The following HSD17B4 variants were observed in gnomAD, a reference collection of about 807,000 sequenced individuals.
The protein encoded by HSD17B4 is hydroxysteroid 17-beta dehydrogenase 4.
HSD17B4 carries 70 observed loss-of-function variants against 101.0 expected under a neutral mutation model. The observed-to-expected ratio is 0.69, with a 90% CI of 0.57 to 0.85. The LOEUF (loss-of-function observed/expected upper bound fraction) is 0.85, where lower values mean the gene tolerates loss of function less well. HSD17B4 is among the 40% of genes least tolerant of loss of function. The pLI is 0.00. For missense variants in HSD17B4, 984 were observed against 892.4 expected (o/e 1.10, Z -1.31); for synonymous variants, 347 against 297.1 (o/e 1.17, Z -1.73).
intron 17 of HSD17B4, 97 bp from the exon 18 acceptor site, chr5:119,525,119 C>A (rs1753462042): frequency 5.1e-6 from 4 of 781,812 alleles, no homozygotes; most frequent in Admixed American, 3.8e-5. Context: ...CATTATGATA[C>A]AATGCTTATA....
In HSD17B4 at chr5:119,492,194, A is replaced by T; in HGVS notation, c.739+70A>T. 5 of 1,173,474 alleles carry T rather than the reference A, an allele frequency of 4.3e-6. No individual in the cohort carries two copies. The South Asian group carries it at 6.1e-5, about 14-fold the overall frequency. The allele number at this position is 1,173,474 out of a possible 1,614,324, so 72.7% of individuals were successfully genotyped here. ...CTTTAAACCTACATATCCAGTTGAG[A>T]TGGGTAAGATTTTTGTCAAATGCCT... is the stretch of plus-strand genomic sequence containing the variant. On this transcript the variant is annotated intron_variant, in intron 10 of 23. Coordinates refer to ENST00000510025, the MANE Select transcript of HSD17B4 (RefSeq NM_000414.4).
At chr5:119,530,271 C>A (rs1580708074) in intron 21 of HSD17B4, among the ~76,000 whole-genome samples, 1 of 151,976 alleles carries the variant, frequency 6.6e-6, no homozygotes, top group African/African-American at 2.4e-5. Context: ...AAGCAAACAG[C>A]GTTTTGGAGA....
rs145441350 is a variant in HSD17B4 at position 119,499,145 on chromosome 5, C to T, written c.973-172C>T. 2.8e-3 allele frequency among the ~76,000 whole-genome samples: 432 copies of T among 152,260 alleles called. 1 individual carries two copies. Among genetic ancestry groups the T allele is most frequent in the African/African-American group, 0.01 (418 of 41,566 alleles). On this transcript the variant is annotated intron_variant, in intron 12 of 23. Transcript: ENST00000510025. ...ACTGTAAATGAAGTCCTTTTCTACA[C>T]ATTACCTAATTAGTTTCTATTAAAA...
chr5:119,519,676 AT>A (rs1752944828), intron 17 of HSD17B4, among the ~76,000 whole-genome samples: 1 of 152,186 alleles, frequency 6.6e-6, no homozygotes, highest in Admixed American at 6.5e-5. Flanking sequence ...ATCAAGTCAT[AT>A]TTCCTGGAGT....
chr5:119,486,301 A>T (rs1473598623), intron 8 of HSD17B4, among the ~76,000 whole-genome samples: 3 of 152,200 alleles, frequency 2.0e-5, no homozygotes, highest in African/African-American at 7.2e-5. Context: ...ACAAAAAGGG[A>T]TAAATTAAAG....
chr5:119,514,435 T>A (rs940441706), intron 16 of HSD17B4, among the ~76,000 whole-genome samples: 13 of 152,200 alleles, frequency 8.5e-5, no homozygotes, highest in African/African-American at 3.1e-4. Flanking sequence ...TTACTTTGGT[T>A]TAAATCAACC....
chr5:119,526,213 A>T (rs928981794), intron 19 of HSD17B4, among the ~76,000 whole-genome samples, 190 bp downstream of exon 19: 9 of 151,792 alleles, frequency 5.9e-5, no homozygotes, highest in Non-Finnish European at 1.2e-4. Flanking sequence ...CACATGCACC[A>T]GGAAGGATGC....
Position 119,474,008 on chromosome 5 carries a change from C to T in HSD17B4, c.213C>T (p.Ala71=), listed in dbSNP as rs1002700026. The T allele has an allele frequency of 2.6e-6, 4 of 1,538,814 alleles. No homozygotes were observed. Among genetic ancestry groups the T allele is most frequent in the Non-Finnish European group, 2.7e-6 (3 of 1,112,256 alleles). ...GAAGGAGAGGTGGAAAAGCAGTGGCCAACTATGGTATGGTATTTGAGAGAA... is the reference window on the plus strand; with the variant it reads ...GAAGGAGAGGTGGAAAAGCAGTGGCTAACTATGGTATGGTATTTGAGAGAA... The part of the protein sequence containing the change: ...EIRRRGGKAV[A]NYDSVEEGEK... Residue 71 remains alanine (A), a synonymous_variant, in exon 3 of 24, where the codon GCC becomes GCT. Coordinates refer to ENST00000510025, the MANE Select transcript of HSD17B4 (RefSeq NM_000414.4).
rs11308278 is a variant in HSD17B4 at position 119,491,461 on chromosome 5, CTT to C, written c.715-622_715-621del. ...TTTTCTTTACATCAGACTCATCAGA[CTT>C]TTTTTTTTTTTTTTTTAGGATTTTT... On this transcript the variant is annotated intron_variant, in intron 9 of 23. Transcript: ENST00000510025. 4.1e-3 allele frequency among the ~76,000 whole-genome samples: 538 copies of C among 131,466 alleles called. 4 individuals carry two copies. Among genetic ancestry groups the C allele is most frequent in the East Asian group, 9.2e-3 (41 of 4,468 alleles). The allele number at this position is 131,466 out of a possible 152,430, so 86.2% of individuals were successfully genotyped here.
At chr5:119,516,768 G>A (rs1561478533) in intron 17 of HSD17B4, among the ~76,000 whole-genome samples, 2 of 152,218 alleles carry the variant, frequency 1.3e-5, no homozygotes, top group African/African-American at 4.8e-5. Flanking sequence ...TGTCAAGGAA[G>A]GGAAGGAACA....
rs587777443 is a variant in HSD17B4 at position 119,525,259 on chromosome 5, T to C, written c.1547T>C (p.Ile516Thr). The C allele has an allele frequency of 1.9e-6, 3 of 1,611,928 alleles. No homozygotes were observed. Among genetic ancestry groups the C allele is most frequent in the Non-Finnish European group, 2.5e-6 (3 of 1,178,354 alleles). ...RLSGDWNPLH[I>T]DPNFASLAGF... ...AGTGGAGACTGGAATCCCTTACACA[T>C]TGATCCTAACTTTGCTAGTCTAGCA... Residue 516 changes from isoleucine to threonine, a missense_variant, in exon 18 of 24, where the codon ATT becomes ACT. Coordinates refer to ENST00000510025, the MANE Select transcript of HSD17B4 (RefSeq NM_000414.4).
intron 1 of HSD17B4, 130 bp from the exon 2 acceptor site, chr5:119,456,185 G>T (rs1436146436): frequency 1.4e-6 from 1 of 724,912 alleles, no homozygotes; most frequent in Non-Finnish European, 2.6e-6. Context: ...TCAGTGATAG[G>T]ATAGGTTGAG....
intron 13 of HSD17B4, among the ~76,000 whole-genome samples, chr5:119,500,209 A>C (rs187297359): frequency 1.8e-4 from 28 of 152,164 alleles, no homozygotes; most frequent in Admixed American, 9.8e-4. Flanking sequence ...TTAAGAGTCT[A>C]TTATAGTAAT....
intron 11 of HSD17B4, among the ~76,000 whole-genome samples, chr5:119,496,214 C>G (rs1750636318): frequency 6.6e-6 from 1 of 152,140 alleles, no homozygotes; most frequent in Non-Finnish European, 1.5e-5. Context: ...AATTGCATGT[C>G]TATAGACAAG....
At chr5:119,454,171 T>A (rs1754359853) in intron 1 of HSD17B4, among the ~76,000 whole-genome samples, 1 of 152,240 alleles carries the variant, frequency 6.6e-6, no homozygotes, top group Non-Finnish European at 1.5e-5. Context: ...TTCTATTCTG[T>A]TTTATTTATA....
At chr5:119,524,961 C>T (rs969349613) in intron 17 of HSD17B4, among the ~76,000 whole-genome samples, 1 of 152,080 alleles carries the variant, frequency 6.6e-6, no homozygotes, top group Non-Finnish European at 1.5e-5. Context: ...GTAGTAGTAA[C>T]AGTGTTTTAC....
At chr5:119,489,977 C>T (rs1350029877) in intron 9 of HSD17B4, among the ~76,000 whole-genome samples, 1 of 151,838 alleles carries the variant, frequency 6.6e-6, no homozygotes, top group African/African-American at 2.4e-5. Flanking sequence ...TTTGATTACT[C>T]ATTTGAGTTT....
chr5:119,530,223 T>G (rs924106189), intron 21 of HSD17B4: 1 of 453,396 alleles, frequency 2.2e-6, no homozygotes, highest in Non-Finnish European at 4.0e-6. Flanking sequence ...AATTTTCTAG[T>G]TTTAGAATAA....
chr5:119,513,729 T>C (rs1204593366), intron 16 of HSD17B4, among the ~76,000 whole-genome samples: 2 of 152,218 alleles, frequency 1.3e-5, no homozygotes, highest in African/African-American at 4.8e-5. Flanking sequence ...TAAGCACTTA[T>C]CACAAGTATC....
Sources: gnomAD v4.1 joint callset for allele counts (sites outside exome capture counted in the v4.1 genomes callset) on GRCh38, gnomAD v4.1.1 for gene constraint, MANE v1.5 for transcripts, NCBI Gene and HGNC (gene_info 2026-07-23, HGNC 2026-07-21) for gene names.